Variants in CCDC47 observed in about 807,000 individuals in gnomAD.
CCDC47 encodes the protein PAT complex subunit CCDC47.
Under a neutral mutation model 60.5 loss-of-function variants are expected in CCDC47, and 41 were observed. The ratio of observed to expected loss-of-function variants is 0.68; its 90% CI spans 0.53 to 0.88. The LOEUF is 0.88. Among genes scored for constraint, CCDC47 ranks in the 40% least tolerant of loss-of-function variants. CCDC47 has a pLI of 0.00. For synonymous variants in CCDC47, 195 were observed against 190.7 expected, an observed-to-expected ratio of 1.02 and a Z score of -0.18; for missense variants, 513 against 580.9, an observed-to-expected ratio of 0.88 and a Z score of 1.20.
rs560028324 is a variant in CCDC47 at position 63,756,474 on chromosome 17, C to A, written c.832G>T (p.Asp278Tyr). Residue 278 changes from aspartate (D) to tyrosine (Y), a missense_variant, in exon 7 of 13, where the codon GAT (aspartate) becomes TAT (tyrosine). By Grantham distance (160) the Asp-to-Tyr change is radical. Coordinates refer to ENST00000225726, the MANE Select transcript of CCDC47 (RefSeq NM_020198.3). ...ALVRLQKEMQ[D>Y]LSEFCSDKPK... ...GTTGGAGCAACCTGACATACCAAAT[C>A]CTGCATCTCTTTCTGTAGTCGCACC... 3 of 1,613,238 alleles carry A rather than the reference C, an allele frequency of 1.9e-6. No homozygotes were observed. The South Asian group carries it at 3.3e-5, about 18-fold the overall frequency.
At chr17:63,771,555 C>T (rs990317861) in intron 1 of CCDC47, among the ~76,000 whole-genome samples, 5 of 152,188 alleles carry the variant, frequency 3.3e-5, no homozygotes, top group Middle Eastern at 3.2e-3. Context: ...CTAAACATCC[C>T]TAGCTTCCTT....
intron 12 of CCDC47, chr17:63,747,893 C>T (rs749719202): frequency 1.2e-4 from 77 of 626,876 alleles, no homozygotes; most frequent in Non-Finnish European, 1.5e-4. Flanking sequence ...CTTGCTGTGT[C>T]ACCCAGGCTG....
intron 3 of CCDC47, 108 bp from the exon 4 acceptor site, chr17:63,764,298 T>C: frequency 1.3e-6 from 1 of 796,838 alleles, no homozygotes; most frequent in Non-Finnish European, 2.0e-6. Context: ...ATACTTCAGA[T>C]ATCTGTCATT....
intron 6 of CCDC47, among the ~76,000 whole-genome samples, chr17:63,759,923 G>A (rs1290884235): frequency 6.6e-6 from 1 of 151,816 alleles, no homozygotes; most frequent in Non-Finnish European, 1.5e-5. Context: ...AATTGGCTGG[G>A]AGTGGTGGCG....
Position 63,764,851 on chromosome 17 carries a change from CA to C in CCDC47, c.265-5del. 6.2e-7 allele frequency: 1 copy of C among 1,607,926 alleles called. No homozygotes were observed. On this transcript the variant is annotated splice_polypyrimidine_tract_variant and splice_region_variant and intron_variant, in intron 2 of 12. Transcript: ENST00000225726. ...GTTCACTCTCAGTATCTCCCTCCTA[CA>C]AAAATGAGGCATCATCCGTTTTCCT...
chr17:63,760,062 C>CAAAAAAAAA (rs10643408), intron 6 of CCDC47, among the ~76,000 whole-genome samples: 9 of 98,368 alleles, frequency 9.1e-5, no homozygotes, highest in East Asian at 2.9e-4. Flanking sequence ...GACTCCGTCT[C>CAAAAAAAAA]AAAAAAAAAA....
chr17:63,766,044 A>G lies in CCDC47; in HGVS notation c.132T>C (p.Asp44=), dbSNP rs772986995. ...YDDNDFAEFE[D]VMEDSVTESP... ...ATTCAGTAACAGAGTCTTCCATGACATCCTCAAATTCAGCGAAGTCATTAT... is the reference window on the plus strand; with the variant it reads ...ATTCAGTAACAGAGTCTTCCATGACGTCCTCAAATTCAGCGAAGTCATTAT... The change falls in exon 2 of 13, where the codon GAT becomes GAC. Residue 44 remains aspartate (D), a synonymous_variant. Coordinates refer to ENST00000225726, the MANE Select transcript of CCDC47 (RefSeq NM_020198.3). 1.1e-5 allele frequency: 17 copies of G among 1,613,962 alleles called. No homozygotes were observed. Among genetic ancestry groups the G allele is most frequent in the Non-Finnish European group, 1.4e-5 (16 of 1,180,012 alleles).
rs1001251255 is a variant in CCDC47 at position 63,760,904 on chromosome 17, G to GA, written c.735+9dup. The GA allele has an allele frequency of 7.0e-6, 11 of 1,575,080 alleles. No homozygotes were observed. The African/African-American group carries it at 1.4e-4, about 20-fold the overall frequency. ...TCTGTACACAGAAAACCAGCGGGAA[G>GA]AATACATACCACTTGATCACTCACT... is the stretch of plus-strand genomic sequence containing the variant. On this transcript the variant is annotated intron_variant, in intron 6 of 12. Transcript: ENST00000225726.
At chr17:63,748,349 G>C (rs1056275225) in intron 12 of CCDC47, among the ~76,000 whole-genome samples, 2 of 152,116 alleles carry the variant, frequency 1.3e-5, no homozygotes, top group African/African-American at 4.8e-5. Context: ...CTGACCTCAA[G>C]TGATCTACCT....
intron 5 of CCDC47, 67 bp from the exon 6 acceptor site, chr17:63,761,046 G>T: frequency 6.9e-7 from 1 of 1,450,904 alleles, no homozygotes; most frequent in Non-Finnish European, 9.6e-7. Context: ...AAAAGGCCTT[G>T]AAGGAGAATC....
Position 63,752,787 on chromosome 17 carries a change from A to G in CCDC47, c.1047T>C (p.Pro349=). The G allele has an allele frequency of 6.2e-7, 1 of 1,612,004 alleles. No homozygotes were observed. Among genetic ancestry groups the G allele is most frequent in the Non-Finnish European group, 8.5e-7 (1 of 1,179,048 alleles). Residue 349 remains proline, a synonymous_variant, in exon 10 of 13, where the codon CCT becomes CCC. Transcript: ENST00000225726. ...GPKIMQEEGQ[P]LKLPDTKRTL... ...TCCTCTTAGTGTCAGGTAGCTTTAA[A>G]GGCTGACCTTCCCTGTCATAAAAGA...
chr17:63,763,032 C>G (rs890239374), intron 4 of CCDC47, among the ~76,000 whole-genome samples: 1 of 152,164 alleles, frequency 6.6e-6, no homozygotes, highest in Non-Finnish European at 1.5e-5. Flanking sequence ...ATTCTCCCAC[C>G]TCATCCTCCC....
At position 63,771,275 on chromosome 17, in the gene CCDC47, T is replaced by A. The variant is rs139026730; in HGVS notation, c.-20+2137A>T. Among the ~76,000 whole-genome samples the A allele has an allele frequency of 3.2e-4, 49 of 152,082 alleles. 3 individuals carry two copies. The East Asian group carries it at 8.9e-3, about 28-fold the overall frequency. ...GTATTATAAGTAATCTAGAGATAATTATATAGTGTATATACATATACATAT... is the reference window on the plus strand; with the variant it reads ...GTATTATAAGTAATCTAGAGATAATAATATAGTGTATATACATATACATAT... On this transcript the variant is annotated intron_variant, in intron 1 of 12. Coordinates refer to ENST00000225726, the MANE Select transcript of CCDC47 (RefSeq NM_020198.3).
chr17:63,747,756 G>T, intron 12 of CCDC47: 3 of 985,310 alleles, frequency 3.0e-6, no homozygotes, highest in Non-Finnish European at 3.6e-6. Flanking sequence ...AAGAAAAGAA[G>T]AAGTGCAAAG....
intron 9 of CCDC47, among the ~76,000 whole-genome samples, chr17:63,753,962 C>T (rs1348808227): frequency 2.6e-5 from 4 of 151,966 alleles, no homozygotes; most frequent in African/African-American, 4.8e-5. Context: ...AAAAATTAGC[C>T]GAGCGTGGTG....
At chr17:63,761,182 G>A (rs368513650) in intron 5 of CCDC47, 48 bp downstream of exon 5, 7 of 1,611,014 alleles carry the variant, frequency 4.3e-6, no homozygotes, top group South Asian at 2.2e-5. Flanking sequence ...ATCACAACTG[G>A]ACAAAATTAA....
At chr17:63,762,520 G>C (rs1412834391) in intron 4 of CCDC47, among the ~76,000 whole-genome samples, 1 of 152,182 alleles carries the variant, frequency 6.6e-6, no homozygotes, top group Non-Finnish European at 1.5e-5. Context: ...TGTATGCAAA[G>C]TATCTAGCAT....
intron 12 of CCDC47, among the ~76,000 whole-genome samples, chr17:63,749,318 C>T (rs2039144412): frequency 6.6e-6 from 1 of 152,004 alleles, no homozygotes; most frequent in African/African-American, 2.4e-5. Context: ...ATCGCTTGAA[C>T]CCAGGAGGCA....
intron 4 of CCDC47, among the ~76,000 whole-genome samples, chr17:63,763,430 T>C (rs1463768466): frequency 6.6e-6 from 1 of 152,032 alleles, no homozygotes; most frequent in Non-Finnish European, 1.5e-5. Flanking sequence ...AAGGCTAAGA[T>C]GGAAGGATCT....
Sources: allele counts gnomAD v4.1 joint callset (sites outside exome capture counted in the v4.1 genomes callset), GRCh38; gene constraint gnomAD v4.1.1; transcripts MANE v1.5; gene names NCBI Gene and HGNC (gene_info 2026-07-23, HGNC 2026-07-21).